RCAN2: variants seen among roughly 807,000 people sequenced by gnomAD.
RCAN2 encodes regulator of calcineurin 2, also known as calcipressin-2.
RCAN2 carries 9 observed loss-of-function variants against 23.6 expected under a neutral mutation model. The observed-to-expected ratio is 0.38, with a 90% CI of 0.23 to 0.67. The LOEUF (loss-of-function observed/expected upper bound fraction) is 0.67. Ranked by LOEUF, RCAN2 falls within the 30% of genes least tolerant of loss-of-function variation. RCAN2 has a pLI of 0.51. For missense variants in RCAN2, 273 were observed against 302.3 expected, an observed-to-expected ratio of 0.90 and a Z score of 0.72; for synonymous variants, 109 against 115.7, an observed-to-expected ratio of 0.94 and a Z score of 0.37.
chr6:46,302,082 G>A (rs1762919809), intron 2 of RCAN2, among the ~76,000 whole-genome samples: 1 of 152,102 alleles, frequency 6.6e-6, no homozygotes, highest in South Asian at 2.1e-4. Flanking sequence ...AAGAAGGAAG[G>A]TGATGGGATC....
intron 2 of RCAN2, among the ~76,000 whole-genome samples, chr6:46,289,715 A>G (rs1762483441): frequency 6.6e-6 from 1 of 152,240 alleles, no homozygotes; most frequent in Admixed American, 6.5e-5. Flanking sequence ...TAAGGTAACT[A>G]ACTTTAAAAG....
chr6:46,264,014 C>T (rs1767233202), intron 2 of RCAN2, among the ~76,000 whole-genome samples: 1 of 152,172 alleles, frequency 6.6e-6, no homozygotes, highest in African/African-American at 2.4e-5. Flanking sequence ...TGCAGATAGG[C>T]AAACTGCTCA....
At chr6:46,305,244 T>C (rs754587065) in intron 2 of RCAN2, among the ~76,000 whole-genome samples, 34 of 152,110 alleles carry the variant, frequency 2.2e-4, no homozygotes, top group Non-Finnish European at 3.4e-4. Flanking sequence ...GAAACTTTGA[T>C]GCATGGTGGC....
intron 2 of RCAN2, among the ~76,000 whole-genome samples, chr6:46,318,191 A>G (rs1337712068): frequency 6.6e-6 from 1 of 152,220 alleles, no homozygotes; most frequent in Non-Finnish European, 1.5e-5. Context: ...CACTGCTCAC[A>G]TATTTCTATA....
intron 2 of RCAN2, among the ~76,000 whole-genome samples, chr6:46,347,126 C>T (rs767721392): frequency 1.3e-5 from 2 of 152,142 alleles, no homozygotes; most frequent in Admixed American, 6.5e-5. Flanking sequence ...CCACCTGCCT[C>T]GGCCTCCCAA....
chr6:46,272,797 C>T (rs892639836), intron 2 of RCAN2, among the ~76,000 whole-genome samples: 3 of 152,180 alleles, frequency 2.0e-5, no homozygotes, highest in East Asian at 1.9e-4. Context: ...AAACTGATTT[C>T]GTAAGTTCAT....
At chr6:46,473,671 AT>A (rs745647847) in intron 1 of RCAN2, among the ~76,000 whole-genome samples, 1 of 152,098 alleles carries the variant, frequency 6.6e-6, no homozygotes, top group Non-Finnish European at 1.5e-5. Flanking sequence ...CTAACTTGGG[AT>A]TTTTTTAACC....
intron 2 of RCAN2, among the ~76,000 whole-genome samples, chr6:46,410,696 G>T (rs1478149535): frequency 1.3e-5 from 2 of 152,150 alleles, no homozygotes; most frequent in Non-Finnish European, 2.9e-5. Flanking sequence ...GGAATAACCT[G>T]CAGGAAATAT....
rs551274027 is a variant in RCAN2, at chr6:46,363,432, G to A, written c.225+93320C>T. On this transcript the variant is annotated intron_variant, in intron 2 of 4. Coordinates refer to ENST00000371374, the MANE Select transcript of RCAN2 (RefSeq NM_001251974.2). ...ATTAAATAAATTTCACTTTAAAAAT[G>A]TATTTTTTTTCTTACAAAAAAAGAG... is the stretch of plus-strand genomic sequence containing the variant. Among the ~76,000 whole-genome samples the A allele has an allele frequency of 3.6e-3, 553 of 152,152 alleles. 2 individuals are homozygous for A. Among genetic ancestry groups the A allele is most frequent in the African/African-American group, 0.013 (529 of 41,520 alleles).
intron 2 of RCAN2, among the ~76,000 whole-genome samples, 199 bp downstream of exon 2, chr6:46,456,553 C>A (rs1346431715): frequency 6.6e-6 from 1 of 152,304 alleles, no homozygotes; most frequent in African/African-American, 2.4e-5. Flanking sequence ...AACATATTCT[C>A]ATCTACAACC....
At chr6:46,251,626 T>C (rs6933088) in intron 2 of RCAN2, among the ~76,000 whole-genome samples, 117,617 of 151,868 alleles carry the variant, frequency 0.77, 45,859 homozygotes, top group Non-Finnish European at 0.81. Context: ...CATTTCATAT[T>C]TCATTTTTAT....
At chr6:46,364,241 A>C (rs1765100111) in intron 2 of RCAN2, among the ~76,000 whole-genome samples, 1 of 152,214 alleles carries the variant, frequency 6.6e-6, no homozygotes, top group Non-Finnish European at 1.5e-5. Flanking sequence ...GGTGGGGAAC[A>C]AAGGTATGAC....
intron 4 of RCAN2, among the ~76,000 whole-genome samples, chr6:46,225,089 G>A (rs1332058375): frequency 3.3e-5 from 5 of 152,144 alleles, no homozygotes; most frequent in African/African-American, 4.8e-5. Flanking sequence ...AGCTTCATCC[G>A]TGTCCCTACA....
At chr6:46,373,418 C>A (rs1005795692) in intron 2 of RCAN2, among the ~76,000 whole-genome samples, 1 of 152,048 alleles carries the variant, frequency 6.6e-6, no homozygotes, top group Non-Finnish European at 1.5e-5. Context: ...TCATGCACTA[C>A]CACGCCTAGC....
chr6:46,453,179 C>G (rs751890007), intron 2 of RCAN2, among the ~76,000 whole-genome samples: 2 of 152,158 alleles, frequency 1.3e-5, no homozygotes, highest in East Asian at 1.9e-4. Flanking sequence ...GGGGAGTGCT[C>G]TGAAGAGAAA....
intron 2 of RCAN2, among the ~76,000 whole-genome samples, chr6:46,329,411 G>C (rs1763891744): frequency 6.6e-6 from 1 of 152,106 alleles, no homozygotes; most frequent in Non-Finnish European, 1.5e-5. Context: ...TCCACTGCTT[G>C]TCCTCACAAC....
chr6:46,470,852 T>TC (rs1441239018), intron 1 of RCAN2, among the ~76,000 whole-genome samples: 3 of 152,242 alleles, frequency 2.0e-5, no homozygotes, highest in African/African-American at 7.2e-5. Context: ...GTGGCAAGGA[T>TC]GAAATCTGTC....
At chr6:46,396,380 CA>C (rs1766087547) in intron 2 of RCAN2, among the ~76,000 whole-genome samples, 4 of 152,134 alleles carry the variant, frequency 2.6e-5, no homozygotes, top group Admixed American at 1.3e-4. Context: ...GCGAGAATAC[CA>C]CACAGAAGAG....
intron 2 of RCAN2, among the ~76,000 whole-genome samples, chr6:46,260,031 A>C (rs1767059240): frequency 6.6e-6 from 1 of 152,150 alleles, no homozygotes; most frequent in Non-Finnish European, 1.5e-5. Context: ...TTGGGTTTTT[A>C]TGAAGGCGTC....
Sources: gnomAD v4.1 joint callset for allele counts (sites outside exome capture counted in the v4.1 genomes callset) on GRCh38, gnomAD v4.1.1 for gene constraint, MANE v1.5 for transcripts, NCBI Gene and HGNC (gene_info 2026-07-23, HGNC 2026-07-21) for gene names.